Variants in B3GALT1 observed in about 807,000 individuals in gnomAD.
The protein encoded by B3GALT1 is beta-1,3-galactosyltransferase 1.
Under a neutral mutation model 23.2 loss-of-function variants are expected in B3GALT1, and 10 were observed. The observed-to-expected ratio is 0.43, with a 90% confidence interval of 0.27 to 0.73. The LOEUF is 0.73. Ranked by LOEUF, B3GALT1 falls within the 30% of genes least tolerant of loss-of-function variation. The pLI, the probability that B3GALT1 is intolerant of heterozygous loss-of-function variation, is 0.21. For synonymous variants in B3GALT1, 156 were observed against 141.5 expected (o/e 1.10, Z -0.73); for missense variants, 299 against 405.4 (o/e 0.74, Z 2.25).
chr2:167,503,228 A>G (rs1157342308), intron 2 of B3GALT1, among the ~76,000 whole-genome samples: 1 of 152,082 alleles, frequency 6.6e-6, no homozygotes, highest in African/African-American at 2.4e-5. Flanking sequence ...GACTCACTCA[A>G]CTATTATAAA....
Position 167,681,386 on chromosome 2 carries a change from C to T in B3GALT1, c.-352+34420C>T, listed in dbSNP as rs143042136. Among the ~76,000 whole-genome samples the T allele has an allele frequency of 7.8e-3, 1,184 of 152,184 alleles. 17 individuals carry two copies. The highest frequency in any genetic ancestry group is 0.027 in the African/African-American group (1,103 of 41,528). On this transcript the variant is annotated intron_variant, in intron 3 of 4. Coordinates refer to ENST00000392690, the MANE Select transcript of B3GALT1 (RefSeq NM_020981.4). ...TTCAACCCCAGTGAATCTTATAGGT[C>T]ATTTCTCCAAAGTCAAACTGATGGT... is the stretch of plus-strand genomic sequence containing the variant.
chr2:167,299,481 T>C (rs1251528249), intron 1 of B3GALT1, among the ~76,000 whole-genome samples: 3 of 152,178 alleles, frequency 2.0e-5, no homozygotes, highest in Non-Finnish European at 4.4e-5. Context: ...TATAAAATAG[T>C]GATAGCATCA....
intron 4 of B3GALT1, among the ~76,000 whole-genome samples, chr2:167,829,776 G>A (rs1043895251): frequency 6.6e-6 from 1 of 152,142 alleles, no homozygotes; most frequent in Non-Finnish European, 1.5e-5. Flanking sequence ...GAGATGATCT[G>A]GGAGAATAGT....
chr2:167,533,887 T>C (rs1275452975), intron 2 of B3GALT1, among the ~76,000 whole-genome samples: 2 of 152,228 alleles, frequency 1.3e-5, no homozygotes, highest in African/African-American at 4.8e-5. Context: ...ATGTCATTCT[T>C]TGAATTGTTT....
chr2:167,476,364 C>T (rs973430164), intron 1 of B3GALT1, among the ~76,000 whole-genome samples: 2 of 152,066 alleles, frequency 1.3e-5, no homozygotes, highest in Non-Finnish European at 2.9e-5. Context: ...TGAATATAAG[C>T]GTTTATTATT....
At position 167,524,176 on chromosome 2, in the gene B3GALT1, T is replaced by A. The variant is rs1298641760; in HGVS notation, c.-410+33899T>A. Among the ~76,000 whole-genome samples, 4 of 152,312 alleles carry A rather than the reference T, an allele frequency of 2.6e-5. No homozygotes were observed. In the East Asian group the frequency reaches 7.7e-4, roughly 29 times the overall value. On this transcript the variant is annotated intron_variant, in intron 2 of 4. Transcript: ENST00000392690. ...CATGAGAAGCAAAAATTGTATATTGTATTTTAAGTATGAATTTCTTTTCAT... is the reference window on the plus strand; with the variant it reads ...CATGAGAAGCAAAAATTGTATATTGAATTTTAAGTATGAATTTCTTTTCAT...
chr2:167,473,331 C>T (rs1261764374), intron 1 of B3GALT1, among the ~76,000 whole-genome samples: 5 of 152,078 alleles, frequency 3.3e-5, no homozygotes, highest in African/African-American at 9.7e-5. Context: ...CTGTGCTAGG[C>T]AACAAACTTT....
At position 167,418,331 on chromosome 2, in the gene B3GALT1, CT is replaced by C. The variant is rs1698499771; in HGVS notation, c.-510-71844del. The stretch of plus-strand genomic sequence containing the variant: ...ATATAAGAGACTTGAGGGAAAACAG[CT>C]TCATGCAAAGCATAATGTTGTCCTT... On this transcript the variant is annotated intron_variant, in intron 1 of 4. Transcript: ENST00000392690. Among the ~76,000 whole-genome samples the C allele has an allele frequency of 3.3e-5, 5 of 151,894 alleles. No individual in the cohort carries two copies. In the South Asian group the frequency reaches 1.0e-3, roughly 32 times the overall value.
At chr2:167,745,723 T>G (rs1687642286) in intron 3 of B3GALT1, among the ~76,000 whole-genome samples, 1 of 152,186 alleles carries the variant, frequency 6.6e-6, no homozygotes. Context: ...ATCTTGGTGT[T>G]CTGCAGTTTT....
At chr2:167,809,906 C>T (rs1054041961) in intron 3 of B3GALT1, among the ~76,000 whole-genome samples, 6 of 152,318 alleles carry the variant, frequency 3.9e-5, no homozygotes, top group African/African-American at 1.4e-4. Context: ...GGCAGGCAGG[C>T]CTCCTTGAGC....
intron 2 of B3GALT1, among the ~76,000 whole-genome samples, chr2:167,490,721 G>A (rs2105341807): frequency 6.6e-6 from 1 of 152,312 alleles, no homozygotes; most frequent in Middle Eastern, 3.4e-3. Context: ...ACTTGTGTTG[G>A]GGAGCTGTGC....
chr2:167,852,462 G>A (rs569227204), intron 4 of B3GALT1, among the ~76,000 whole-genome samples: 59 of 124,344 alleles, frequency 4.7e-4, no homozygotes, highest in African/African-American at 1.6e-3. Flanking sequence ...TCTTTTATTC[G>A]TGATGGTGTG....
intron 3 of B3GALT1, among the ~76,000 whole-genome samples, chr2:167,734,298 G>A (rs1687458320): frequency 6.6e-6 from 1 of 151,666 alleles, no homozygotes; most frequent in Admixed American, 6.6e-5. Flanking sequence ...AGGATGTACA[G>A]GGGAAAAAAA....
intron 3 of B3GALT1, among the ~76,000 whole-genome samples, chr2:167,756,998 C>T (rs1468112293): frequency 2.0e-5 from 3 of 152,070 alleles, no homozygotes; most frequent in African/African-American, 7.2e-5. Context: ...AATTCAAATC[C>T]TACCTCTCCT....
intron 2 of B3GALT1, among the ~76,000 whole-genome samples, chr2:167,525,793 T>C (rs1683209854): frequency 6.6e-6 from 1 of 151,578 alleles, no homozygotes; most frequent in Non-Finnish European, 1.5e-5. Context: ...TTTTTTTATT[T>C]TGTAGAGACA....
At position 167,600,578 on chromosome 2, in the gene B3GALT1, C is replaced by A. The variant is rs575346104; in HGVS notation, c.-409-46331C>A. ...CCCCCAGCCTTAAACAACAACTAAT[C>A]TGTTTTCTATGTGTAGATTTACCTT... On this transcript the variant is annotated intron_variant, in intron 2 of 4. Transcript: ENST00000392690. 2.6e-5 allele frequency among the ~76,000 whole-genome samples: 4 copies of A among 152,274 alleles called. No homozygotes were observed. The South Asian group carries it at 8.3e-4, about 32-fold the overall frequency.
intron 2 of B3GALT1, among the ~76,000 whole-genome samples, chr2:167,563,472 C>T (rs1223973566): frequency 1.8e-5 from 2 of 113,116 alleles, no homozygotes; most frequent in African/African-American, 7.9e-5. Context: ...TCCTCACTTC[C>T]CAGTAGGGGC....
chr2:167,492,949 C>A (rs1358493156), intron 2 of B3GALT1, among the ~76,000 whole-genome samples: 1 of 151,824 alleles, frequency 6.6e-6, no homozygotes, highest in African/African-American at 2.4e-5. Flanking sequence ...GGCAAAGACT[C>A]TTTTAATAAT....
chr2:167,631,951 C>T (rs1195433699), intron 2 of B3GALT1, among the ~76,000 whole-genome samples: 1 of 151,808 alleles, frequency 6.6e-6, no homozygotes, highest in Non-Finnish European at 1.5e-5. Flanking sequence ...CCCTACCCCC[C>T]ACCCACTGAC....
Sources: allele counts gnomAD v4.1 joint callset (sites outside exome capture counted in the v4.1 genomes callset), GRCh38; gene constraint gnomAD v4.1.1; transcripts MANE v1.5; gene names NCBI Gene and HGNC (gene_info 2026-07-23, HGNC 2026-07-21).